Variants in GPR141 observed in about 807,000 individuals in gnomAD.
The protein encoded by GPR141 is G protein-coupled receptor 141, also known as probable G protein-coupled receptor 141.
GPR141 carries 6 observed loss-of-function variants against 6.8 expected under a neutral mutation model. The observed-to-expected ratio is 0.88, with a 90% confidence interval of 0.48 to 1.74. The LOEUF (loss-of-function observed/expected upper bound fraction) is 1.74. Among genes scored for constraint, GPR141 ranks in the 40% most tolerant of loss-of-function variants. The probability of loss-of-function intolerance (pLI) is 0.01; values close to 1 mark genes in which losing one functional copy is unlikely to be tolerated. For missense variants in GPR141, 372 were observed against 372.9 expected, an observed-to-expected ratio of 1.00 and a Z score of 0.02; for synonymous variants, 140 against 142.3, an observed-to-expected ratio of 0.98 and a Z score of 0.11.
intron 2 of GPR141, among the ~76,000 whole-genome samples, chr7:37,696,290 TG>T (rs1488449065): frequency 6.6e-6 from 1 of 152,194 alleles, no homozygotes; most frequent in Non-Finnish European, 1.5e-5. Context: ...CTATGATGTT[TG>T]GTAGGTGAGG....
Position 37,741,304 on chromosome 7 carries a change from G to A in GPR141, c.911G>A (p.Cys304Tyr). 6.3e-7 allele frequency: 1 copy of A among 1,581,026 alleles called. No individual in the cohort carries two copies. Among genetic ancestry groups the A allele is most frequent in the South Asian group, 1.2e-5 (1 of 86,260 alleles). ...KIIGLWNCVL[C>Y]R ...ATTGGCTTATGGAATTGTGTTTTGTGCCGTTAGCCACAAACTACAGTATTC... is the reference window on the plus strand; with the variant it reads ...ATTGGCTTATGGAATTGTGTTTTGTACCGTTAGCCACAAACTACAGTATTC... The change falls in exon 3 of 3, where the codon TGC (cysteine) becomes TAC (tyrosine). Residue 304 changes from cysteine (C) to tyrosine (Y), a missense_variant. By Grantham distance (194) the Cys-to-Tyr change is radical. Transcript: ENST00000334425.
intron 2 of GPR141, among the ~76,000 whole-genome samples, chr7:37,719,319 T>G (rs1332622514): frequency 6.6e-6 from 1 of 152,166 alleles, no homozygotes; most frequent in Non-Finnish European, 1.5e-5. Flanking sequence ...ACTCTTGGGA[T>G]TAGTCATCTT....
chr7:37,693,043 A>C (rs565527146), intron 2 of GPR141, among the ~76,000 whole-genome samples: 2 of 152,126 alleles, frequency 1.3e-5, no homozygotes, highest in Non-Finnish European at 2.9e-5. Flanking sequence ...TTTTGTTGCC[A>C]TTGCTTTTGG....
chr7:37,695,855 CTG>C (rs1809992603), intron 2 of GPR141, among the ~76,000 whole-genome samples: 1 of 152,166 alleles, frequency 6.6e-6, no homozygotes, highest in African/African-American at 2.4e-5. Flanking sequence ...CGTGTTGTCA[CTG>C]TGTGGCGGTG....
At chr7:37,730,801 G>A (rs1199335366) in intron 2 of GPR141, among the ~76,000 whole-genome samples, 2 of 152,224 alleles carry the variant, frequency 1.3e-5, no homozygotes, top group African/African-American at 2.4e-5. Context: ...CTAATATTCT[G>A]AAGTGAGGTA....
chr7:37,712,951 C>T (rs1244881612), intron 2 of GPR141, among the ~76,000 whole-genome samples: 1 of 152,148 alleles, frequency 6.6e-6, no homozygotes, highest in Non-Finnish European at 1.5e-5. Flanking sequence ...TCTTCATCTT[C>T]CTCTTAAAAC....
rs556864087 is a variant in GPR141, at chr7:37,743,019, T to C, written c.*1708T>C. ...GATACATAGGCTTGTGGGTTTTTGC[T>C]TTTTGGGTTTTTTTTGCTCCTGCCC... On this transcript the variant is annotated 3_prime_UTR_variant, in exon 3 of 3. Transcript: ENST00000334425. Among the ~76,000 whole-genome samples, 134 of 152,234 alleles carry C rather than the reference T, an allele frequency of 8.8e-4. No individual in the cohort carries two copies. The highest frequency in any genetic ancestry group is 3.4e-3 in the Middle Eastern group (1 of 294).
At chr7:37,706,119 G>C (rs917419977) in intron 2 of GPR141, among the ~76,000 whole-genome samples, 1 of 152,258 alleles carries the variant, frequency 6.6e-6, no homozygotes, top group East Asian at 1.9e-4. Context: ...AGAAGCTCTC[G>C]GGCCTGCATG....
chr7:37,703,882 T>G lies in GPR141; in HGVS notation c.-15+18299T>G, dbSNP rs1251961205. ...GGTTCTATTAGTATATTTTTCACTT[T>G]CAAAAATACAACTTTCGAAAAGTAA... On this transcript the variant is annotated intron_variant, in intron 2 of 2. Transcript: ENST00000334425. Among the ~76,000 whole-genome samples the G allele has an allele frequency of 3.3e-5, 5 of 152,286 alleles. No homozygotes were observed. In the East Asian group the frequency reaches 9.6e-4, roughly 29 times the overall value.
intron 2 of GPR141, among the ~76,000 whole-genome samples, chr7:37,698,190 G>A (rs1404530176): frequency 6.6e-6 from 1 of 152,132 alleles, no homozygotes; most frequent in Non-Finnish European, 1.5e-5. Flanking sequence ...GCTTCATCAA[G>A]CCTCAGCTTC....
rs116049809 is a variant in GPR141, at chr7:37,719,361, G to T, written c.-14-21019G>T. ...CCATCAGACTCAGTGATAAGTTTTT[G>T]TATCTTGCAAGTTTTCAATTTGGCA... is the stretch of plus-strand genomic sequence containing the variant. On this transcript the variant is annotated intron_variant, in intron 2 of 2. Transcript: ENST00000334425. Among the ~76,000 whole-genome samples, 837 of 152,292 alleles carry T rather than the reference G, an allele frequency of 5.5e-3. 8 individuals carry two copies. The highest frequency in any genetic ancestry group is 0.019 in the African/African-American group (787 of 41,558).
intron 2 of GPR141, among the ~76,000 whole-genome samples, chr7:37,736,366 A>G (rs1415782556): frequency 6.6e-6 from 1 of 152,188 alleles, no homozygotes; most frequent in Non-Finnish European, 1.5e-5. Context: ...ACATAACTAT[A>G]ATTGAACTTT....
chr7:37,703,646 A>G (rs1008707397), intron 2 of GPR141, among the ~76,000 whole-genome samples: 4 of 152,206 alleles, frequency 2.6e-5, no homozygotes, highest in Non-Finnish European at 5.9e-5. Context: ...AAGTTTCTTA[A>G]GCTTTCTGTG....
chr7:37,684,794 GAATTACAT>G (rs1218364211), intron 1 of GPR141, among the ~76,000 whole-genome samples: 1 of 152,154 alleles, frequency 6.6e-6, no homozygotes, highest in Admixed American at 6.6e-5. Context: ...AAGTACTCCA[GAATTACAT>G]GTCTTTGTTT....
rs1206858623 is a variant in GPR141 at position 37,743,788 on chromosome 7, T to C, written c.*2477T>C. Among the ~76,000 whole-genome samples the C allele has an allele frequency of 6.6e-6, 1 of 152,202 alleles. No homozygotes were observed. The highest frequency in any genetic ancestry group is 1.5e-5 in the Non-Finnish European group (1 of 68,022). Reference sequence around the variant, plus strand: ...GATAGAAATGCAATATTTCATAATATAAAATATCTTTTTCATCAGTATTTA... The same window carrying C: ...GATAGAAATGCAATATTTCATAATACAAAATATCTTTTTCATCAGTATTTA... On this transcript the variant is annotated 3_prime_UTR_variant, in exon 3 of 3. Coordinates refer to ENST00000334425, the MANE Select transcript of GPR141 (RefSeq NM_001381946.1).
Position 37,741,262 on chromosome 7 carries a change from G to C in GPR141, c.869G>C (p.Trp290Ser). ...CTCTTTGTCTTTGGGGGAAGCCATT[G>C]GTTTAAGCAAAAGATAATTGGCTTA... ...LLLFVFGGSH[W>S]FKQKIIGLWN... is the part of the protein sequence containing the mutation. The change falls in exon 3 of 3, where the codon TGG becomes TCG. Residue 290 changes from tryptophan to serine, a missense_variant. Physicochemically the swap from Trp to Ser is radical, Grantham distance 177. Transcript: ENST00000334425. The C allele has an allele frequency of 6.2e-7, 1 of 1,606,004 alleles. No homozygotes were observed. Among genetic ancestry groups the C allele is most frequent in the Non-Finnish European group, 8.5e-7 (1 of 1,174,580 alleles).
At chr7:37,687,633 A>G (rs1022514719) in intron 2 of GPR141, among the ~76,000 whole-genome samples, 2 of 152,092 alleles carry the variant, frequency 1.3e-5, no homozygotes, top group Non-Finnish European at 2.9e-5. Context: ...GAGCTCGAAT[A>G]TGTCTTATGA....
intron 2 of GPR141, among the ~76,000 whole-genome samples, chr7:37,714,429 C>T (rs1354734087): frequency 1.3e-5 from 2 of 152,144 alleles, no homozygotes; most frequent in African/African-American, 4.8e-5. Flanking sequence ...CATGGGTGTT[C>T]TTCACATTGC....
intron 2 of GPR141, among the ~76,000 whole-genome samples, chr7:37,698,170 G>A (rs1183055901): frequency 6.6e-6 from 1 of 152,138 alleles, no homozygotes; most frequent in Non-Finnish European, 1.5e-5. Context: ...CAGATGCATG[G>A]CCTTGGTCAG....
Sources: allele counts gnomAD v4.1 joint callset (sites outside exome capture counted in the v4.1 genomes callset), GRCh38; gene constraint gnomAD v4.1.1; transcripts MANE v1.5; gene names NCBI Gene and HGNC (gene_info 2026-07-23, HGNC 2026-07-21).